NUP205: variants seen among roughly 807,000 people sequenced by gnomAD.
The protein encoded by NUP205 is nuclear pore complex protein Nup205.
NUP205 carries 76 observed loss-of-function variants against 253.8 expected under a neutral mutation model. The ratio of observed to expected loss-of-function variants is 0.30; its 90% CI spans 0.25 to 0.36. The LOEUF is 0.36. NUP205 is among the 10% of genes least tolerant of loss of function. The probability of loss-of-function intolerance (pLI) is 1.00; values close to 1 mark genes in which losing one functional copy is unlikely to be tolerated. For missense variants in NUP205, 2,162 were observed against 2,425.5 expected, an observed-to-expected ratio of 0.89 and a Z score of 2.28; for synonymous variants, 832 against 850.1, an observed-to-expected ratio of 0.98 and a Z score of 0.37.
chr7:135,613,993 G>A (rs1192841893), intron 22 of NUP205, among the ~76,000 whole-genome samples, 166 bp from the exon 23 acceptor site: 4 of 152,102 alleles, frequency 2.6e-5, no homozygotes, highest in African/African-American at 9.7e-5. Flanking sequence ...GCCAAGGACT[G>A]TTCATAACTC....
intron 42 of NUP205, 21 bp downstream of exon 42, chr7:135,646,252 T>A: frequency 6.4e-7 from 1 of 1,554,288 alleles, no homozygotes; most frequent in Non-Finnish European, 8.9e-7. Context: ...ATTCTCATAT[T>A]CTTTTATTTT....
At chr7:135,620,006 G>T in intron 30 of NUP205, 118 bp downstream of exon 30, 1 of 694,950 alleles carries the variant, frequency 1.4e-6, no homozygotes, top group Non-Finnish European at 2.5e-6. Context: ...GAGTGTTAGT[G>T]TCATTTTTAA....
At chr7:135,609,650 A>C (rs1794182472) in intron 22 of NUP205, among the ~76,000 whole-genome samples, 1 of 151,556 alleles carries the variant, frequency 6.6e-6, no homozygotes, top group African/African-American at 2.4e-5. Context: ...CCCATCTCAA[A>C]AAAAAAAAAA....
intron 22 of NUP205, among the ~76,000 whole-genome samples, chr7:135,612,328 T>G (rs1794261088): frequency 6.6e-6 from 1 of 152,230 alleles, no homozygotes; most frequent in Non-Finnish European, 1.5e-5. Flanking sequence ...TCATGTTTTA[T>G]GTGTGTTTCT....
At chr7:135,601,230 C>G (rs1391422491) in intron 16 of NUP205, 140 bp from the exon 17 acceptor site, 2 of 751,298 alleles carry the variant, frequency 2.7e-6, no homozygotes, top group Non-Finnish European at 4.3e-6. Context: ...AGGAGAATTA[C>G]TGCTGTGTCT....
intron 35 of NUP205, among the ~76,000 whole-genome samples, chr7:135,634,533 C>T (rs1794773731): frequency 1.3e-5 from 2 of 152,150 alleles, no homozygotes; most frequent in African/African-American, 4.8e-5. Context: ...CAAGCAGCAA[C>T]TGAAGAAAAA....
At chr7:135,596,080 A>G (rs922011140) in intron 13 of NUP205, among the ~76,000 whole-genome samples, 3 of 152,056 alleles carry the variant, frequency 2.0e-5, no homozygotes, top group Non-Finnish European at 4.4e-5. Flanking sequence ...GATTACAGGC[A>G]TGTGCCACCA....
chr7:135,565,065 G>A (rs995848505), intron 1 of NUP205, among the ~76,000 whole-genome samples: 3 of 152,052 alleles, frequency 2.0e-5, no homozygotes, highest in African/African-American at 2.4e-5. Flanking sequence ...CACTGCAGCC[G>A]GCCTATTGTA....
chr7:135,619,302 A>T, intron 28 of NUP205, 121 bp from the exon 29 acceptor site: 2 of 1,010,062 alleles, frequency 2.0e-6, no homozygotes, highest in South Asian at 1.6e-5. Flanking sequence ...AGATTATGCT[A>T]CTGCACTCCA....
chr7:135,623,858 C>T (rs567050248), intron 31 of NUP205, among the ~76,000 whole-genome samples: 29 of 152,324 alleles, frequency 1.9e-4, no homozygotes, highest in African/African-American at 6.7e-4. Flanking sequence ...TCTCGGCTCA[C>T]TGCAAGCTCC....
Position 135,565,516 on chromosome 7 carries a change from G to A in NUP205, c.29-5589G>A, listed in dbSNP as rs368430503. 5.6e-4 allele frequency among the ~76,000 whole-genome samples: 83 copies of A among 148,662 alleles called. No homozygotes were observed. In the Middle Eastern group the frequency reaches 0.017, roughly 31 times the overall value. On this transcript the variant is annotated intron_variant, in intron 1 of 42. Coordinates refer to ENST00000285968, the MANE Select transcript of NUP205 (RefSeq NM_015135.3). ...GGTGTGATCTCGGCTCACTGCAACCGCCACTCCCAGGGTTCAAGCTATTCT... is the reference window on the plus strand; with the variant it reads ...GGTGTGATCTCGGCTCACTGCAACCACCACTCCCAGGGTTCAAGCTATTCT...
At position 135,571,127 on chromosome 7, in the gene NUP205, C is replaced by T. The variant is rs1805986025; in HGVS notation, c.51C>T (p.Tyr17=). ...VNSAASLWGP[Y]KDIWHKVGNA... is the part of the protein sequence containing the mutation. Reference sequence around the variant, plus strand: ...AAGCTGCTAGTCTATGGGGTCCTTACAAAGACATTTGGCATAAAGTGGGAA... The same window carrying T: ...AAGCTGCTAGTCTATGGGGTCCTTATAAAGACATTTGGCATAAAGTGGGAA... The change falls in exon 2 of 43, where the codon TAC becomes TAT. Residue 17 remains tyrosine, a synonymous_variant. Coordinates refer to ENST00000285968, the MANE Select transcript of NUP205 (RefSeq NM_015135.3). 10 of 1,552,578 alleles carry T rather than the reference C, an allele frequency of 6.4e-6. No homozygotes were observed. Among genetic ancestry groups the T allele is most frequent in the Non-Finnish European group, 8.7e-6 (10 of 1,149,820 alleles).
chr7:135,585,500 A>G (rs77977895), intron 8 of NUP205, among the ~76,000 whole-genome samples: 5,170 of 152,232 alleles, frequency 0.034, 118 homozygotes, highest in Middle Eastern at 0.1. Context: ...ATATTTTTAT[A>G]CATGATTTGG....
chr7:135,600,785 AAAG>A, intron 15 of NUP205, 82 bp from the exon 16 acceptor site: 1 of 665,684 alleles, frequency 1.5e-6, no homozygotes, highest in South Asian at 2.6e-5. Flanking sequence ...TTTTCTGGAA[AAAG>A]AAGTGGGAAG....
chr7:135,574,911 A>G (rs1020633531), intron 3 of NUP205, among the ~76,000 whole-genome samples: 1 of 152,206 alleles, frequency 6.6e-6, no homozygotes, highest in South Asian at 2.1e-4. Context: ...TGGCTACCAA[A>G]ATCCTTTTTG....
intron 38 of NUP205, among the ~76,000 whole-genome samples, chr7:135,641,483 A>T (rs1325403525): frequency 6.6e-6 from 1 of 152,188 alleles, no homozygotes. Flanking sequence ...AAGATGTATG[A>T]GATTGGCCAG....
chr7:135,577,813 G>A lies in NUP205; in HGVS notation c.666G>A (p.Lys222=), dbSNP rs1806192175. The A allele has an allele frequency of 1.9e-6, 3 of 1,613,598 alleles. No individual in the cohort carries two copies. Among genetic ancestry groups the A allele is most frequent in the African/African-American group, 1.3e-5 (1 of 75,026 alleles). ...KHRKEVSDLI[K]ECRQSLAESL... ...ATTTCTAGGTTTCTGATCTCATTAAGGAGTGCAGGCAGTCTCTTGCAGAAA... is the reference window on the plus strand; with the variant it reads ...ATTTCTAGGTTTCTGATCTCATTAAAGAGTGCAGGCAGTCTCTTGCAGAAA... Residue 222 remains lysine (K), a synonymous_variant, in exon 6 of 43, where the codon AAG becomes AAA. Coordinates refer to ENST00000285968, the MANE Select transcript of NUP205 (RefSeq NM_015135.3).
At position 135,615,278 on chromosome 7, in the gene NUP205, G is replaced by A. The variant is rs567066802; in HGVS notation, c.3311-638G>A. Among the ~76,000 whole-genome samples, 49 of 152,214 alleles carry A rather than the reference G, an allele frequency of 3.2e-4. No homozygotes were observed. In the South Asian group the frequency reaches 9.8e-3, roughly 30 times the overall value. ...ATTGGATTAAAAAAATCTTATTGTA[G>A]GACCAGGCACAGTGGCTCGCGCCTA... is the stretch of plus-strand genomic sequence containing the variant. On this transcript the variant is annotated intron_variant, in intron 23 of 42. Coordinates refer to ENST00000285968, the MANE Select transcript of NUP205 (RefSeq NM_015135.3).
chr7:135,585,465 A>G (rs1344264067), intron 8 of NUP205, among the ~76,000 whole-genome samples: 1 of 152,186 alleles, frequency 6.6e-6, no homozygotes, highest in African/African-American at 2.4e-5. Flanking sequence ...TGCCCTAAGG[A>G]TTAGTGCTAA....
Sources: gnomAD v4.1 joint callset for allele counts (sites outside exome capture counted in the v4.1 genomes callset) on GRCh38, gnomAD v4.1.1 for gene constraint, MANE v1.5 for transcripts, NCBI Gene and HGNC (gene_info 2026-07-23, HGNC 2026-07-21) for gene names.